Variants in ABHD12 observed in about 807,000 individuals in gnomAD.
ABHD12 encodes abhydrolase domain containing 12, lysophospholipase, also known as lysophosphatidylserine lipase ABHD12.
ABHD12 carries 43 observed loss-of-function variants against 58.3 expected under a neutral mutation model. That is an observed-to-expected ratio of 0.74 (90% CI 0.58 to 0.95). The LOEUF (loss-of-function observed/expected upper bound fraction) is 0.95. Ranked by LOEUF, ABHD12 falls within the 40% of genes least tolerant of loss-of-function variation. ABHD12 has a pLI of 0.00. For synonymous variants in ABHD12, 219 were observed against 211.2 expected (o/e 1.04, Z -0.32); for missense variants, 539 against 537.2 (o/e 1.00, Z -0.03).
At position 25,309,176 on chromosome 20, in the gene ABHD12, T is replaced by G. The variant is rs1305323551; in HGVS notation, c.749+270A>C. ...TGCCCTCCCTCAGCTCTGAAGACGC[T>G]TCTTCCTCAGAGCCAAGTCTCCCTA... is the stretch of plus-strand genomic sequence containing the variant. On this transcript the variant is annotated intron_variant, in intron 7 of 12. Transcript: ENST00000339157. 2.6e-5 allele frequency among the ~76,000 whole-genome samples: 4 copies of G among 152,130 alleles called. No homozygotes were observed. In the East Asian group the frequency reaches 7.7e-4, roughly 29 times the overall value.
rs1312326738 is a variant in ABHD12 at position 25,322,362 on chromosome 20, G to GATATATATATATAT, written c.422+949_422+962dup. On this transcript the variant is annotated intron_variant, in intron 3 of 12. Transcript: ENST00000339157. ...ATCTAGATGTTCACCTCTTGGAAAAGATATATATATATATATATATTTTTT... is the reference window on the plus strand; with the variant it reads ...ATCTAGATGTTCACCTCTTGGAAAAGATATATATATATATATATATATATATATATATATTTTTT... 3.5e-4 allele frequency among the ~76,000 whole-genome samples: 23 copies of GATATATATATATAT among 66,100 alleles called. 2 individuals are homozygous for GATATATATATATAT. The highest frequency in any genetic ancestry group is 1.3e-3 in the African/African-American group (19 of 14,602). The allele number at this position is 66,100 out of a possible 152,430, so 43.4% of individuals were successfully genotyped here.
chr20:25,356,172 A>G (rs962170343), intron 1 of ABHD12, among the ~76,000 whole-genome samples: 1 of 152,254 alleles, frequency 6.6e-6, no homozygotes, highest in Non-Finnish European at 1.5e-5. Flanking sequence ...CAGCATCTGT[A>G]AAACTGCAAG....
chr20:25,300,199 G>A, downstream of ABHD12: 1 of 996,280 alleles, frequency 1.0e-6, no homozygotes, highest in Admixed American at 5.4e-5. Flanking sequence ...TTCTCGCGCT[G>A]CAGAGAGACA....
chr20:25,343,887 C>A (rs1421591330), intron 1 of ABHD12, among the ~76,000 whole-genome samples: 3 of 152,124 alleles, frequency 2.0e-5, no homozygotes, highest in African/African-American at 7.2e-5. Flanking sequence ...ATTAGCAAAG[C>A]AAATCCAACA....
intron 1 of ABHD12, among the ~76,000 whole-genome samples, chr20:25,347,348 T>G (rs1037118957): frequency 1.3e-5 from 2 of 152,218 alleles, no homozygotes; most frequent in African/African-American, 4.8e-5. Context: ...GCAACCATTA[T>G]CTGTCTTTAA....
Position 25,300,247 on chromosome 20 carries a change from T to C in ABHD12, c.*598A>G. The stretch of plus-strand genomic sequence containing the variant: ...CCACGATTTTATTCTTAAATAAAGC[T>C]CAGTCTAAGGCCAGGTTAGGTGTAC... On this transcript the variant is annotated 3_prime_UTR_variant, in exon 13 of 13. Transcript: ENST00000339157. 1 of 999,866 alleles carries C rather than the reference T, an allele frequency of 1.0e-6. No homozygotes were observed. The highest frequency in any genetic ancestry group is 1.2e-6 in the Non-Finnish European group (1 of 837,804). 61.9% of individuals were successfully genotyped at this position (999,866 alleles called of 1,614,324 possible).
At position 25,305,386 on chromosome 20, in the gene ABHD12, G is replaced by A. The variant is rs560212110; in HGVS notation, c.950+1447C>T. On this transcript the variant is annotated intron_variant, in intron 10 of 12. Transcript: ENST00000339157. ...TTCCCTCTTTTTTTTTTTTTGAGAC[G>A]GAGTCTCGCTCTGTCGCCCAGGCTG... is the stretch of plus-strand genomic sequence containing the variant. 2.9e-5 allele frequency among the ~76,000 whole-genome samples: 4 copies of A among 138,042 alleles called. No homozygotes were observed. In the South Asian group the frequency reaches 6.8e-4, roughly 23 times the overall value. The allele number at this position is 138,042 out of a possible 152,430, so 90.6% of individuals were successfully genotyped here. A position where few individuals can be genotyped will look rare whatever the true frequency, so the allele number is the denominator to read the frequency against.
chr20:25,297,565 G>C (rs1010172699), downstream of ABHD12: 1 of 152,302 alleles, frequency 6.6e-6, no homozygotes, highest in Admixed American at 6.5e-5. Flanking sequence ...TGCTCTGCTT[G>C]GACAGCAGGC....
intron 1 of ABHD12, among the ~76,000 whole-genome samples, chr20:25,343,465 T>C (rs1274677665): frequency 1.3e-5 from 2 of 152,186 alleles, no homozygotes; most frequent in Non-Finnish European, 2.9e-5. Context: ...GGCAGCAGGA[T>C]GGCTCCAGCC....
intron 1 of ABHD12, among the ~76,000 whole-genome samples, chr20:25,387,772 G>A (rs2090112378): frequency 6.6e-6 from 1 of 151,598 alleles, no homozygotes; most frequent in Admixed American, 6.6e-5. Context: ...GCCGGGCGCT[G>A]TGGCTCACGC....
chr20:25,347,987 A>G (rs1019070150), intron 1 of ABHD12, among the ~76,000 whole-genome samples: 4 of 151,844 alleles, frequency 2.6e-5, no homozygotes, highest in African/African-American at 9.7e-5. Context: ...CTAGGTGGGC[A>G]GATCACGAGG....
intron 2 of ABHD12, among the ~76,000 whole-genome samples, chr20:25,325,323 G>A (rs2089156322): frequency 6.6e-6 from 1 of 152,012 alleles, no homozygotes; most frequent in African/African-American, 2.4e-5. Context: ...TGGCCCCTGA[G>A]AGGCCTGGGA....
At chr20:25,362,913 T>C (rs769414407) in intron 1 of ABHD12, among the ~76,000 whole-genome samples, 1 of 152,036 alleles carries the variant, frequency 6.6e-6, no homozygotes, top group East Asian at 2.0e-4. Flanking sequence ...CCTCAGGTGA[T>C]CTGCCCACCT....
At chr20:25,313,222 A>G (rs2088895446) in intron 6 of ABHD12, among the ~76,000 whole-genome samples, 1 of 152,298 alleles carries the variant, frequency 6.6e-6, no homozygotes, top group African/African-American at 2.4e-5. Context: ...AGGAGACTCC[A>G]TTTTGTTCTG....
chr20:25,340,809 A>G (rs1229277258), intron 1 of ABHD12, among the ~76,000 whole-genome samples: 1 of 152,218 alleles, frequency 6.6e-6, no homozygotes, highest in Non-Finnish European at 1.5e-5. Context: ...AGGACAGAAA[A>G]ACAGAACAGA....
At chr20:25,353,808 C>T (rs1173453385) in intron 1 of ABHD12, among the ~76,000 whole-genome samples, 1 of 152,238 alleles carries the variant, frequency 6.6e-6, no homozygotes, top group Admixed American at 6.5e-5. Flanking sequence ...CTGCTCACTT[C>T]GCCTTCCTGG....
intron 1 of ABHD12, among the ~76,000 whole-genome samples, chr20:25,342,373 GT>G (rs1175989662): frequency 6.6e-6 from 1 of 151,898 alleles, no homozygotes; most frequent in Non-Finnish European, 1.5e-5. Context: ...CACCCAAAAG[GT>G]ATCTCTATTC....
chr20:25,316,115 G>A (rs944405066), intron 5 of ABHD12, among the ~76,000 whole-genome samples: 6 of 152,154 alleles, frequency 3.9e-5, no homozygotes, highest in Non-Finnish European at 7.4e-5. Context: ...GTGAGCCTAC[G>A]ACCTGGCAGT....
intron 2 of ABHD12, among the ~76,000 whole-genome samples, chr20:25,332,081 C>T (rs1388639781): frequency 6.6e-6 from 1 of 151,948 alleles, no homozygotes; most frequent in Non-Finnish European, 1.5e-5. Context: ...CAGAGACACA[C>T]ATAGGTTCAA....
Sources: gnomAD v4.1 joint callset for allele counts (sites outside exome capture counted in the v4.1 genomes callset) on GRCh38, gnomAD v4.1.1 for gene constraint, MANE v1.5 for transcripts, NCBI Gene and HGNC (gene_info 2026-07-23, HGNC 2026-07-21) for gene names.